MAP3K20: variants seen among roughly 807,000 people sequenced by gnomAD.
The protein encoded by MAP3K20 is mitogen-activated protein kinase kinase kinase 20.
MAP3K20 carries 40 observed loss-of-function variants against 85.7 expected under a neutral mutation model. That is an observed-to-expected ratio of 0.47 (90% CI 0.36 to 0.61). MAP3K20 has a LOEUF of 0.61. Ranked by LOEUF, MAP3K20 falls within the 20% of genes least tolerant of loss-of-function variation. The pLI is 0.00. For missense variants in MAP3K20, 817 were observed against 961.7 expected, an observed-to-expected ratio of 0.85 and a Z score of 1.99; for synonymous variants, 325 against 327.7, an observed-to-expected ratio of 0.99 and a Z score of 0.09.
At chr2:173,181,240 G>T (rs908914761) in intron 3 of MAP3K20, among the ~76,000 whole-genome samples, 1 of 152,082 alleles carries the variant, frequency 6.6e-6, no homozygotes, top group Non-Finnish European at 1.5e-5. Context: ...AATACTGCTG[G>T]GCACAGTCAC....
chr2:173,212,325 A>G (rs1320628622), intron 10 of MAP3K20: 1 of 152,110 alleles, frequency 6.6e-6, no homozygotes, highest in East Asian at 1.9e-4. Context: ...ATTCAAAACT[A>G]TCGCATTTCT....
chr2:173,203,962 A>G, intron 9 of MAP3K20, 92 bp downstream of exon 9: 1 of 1,219,064 alleles, frequency 8.2e-7, no homozygotes, highest in Non-Finnish European at 1.2e-6. Flanking sequence ...AAAATTCATT[A>G]CAAAGCAAAG....
At chr2:173,078,073 A>G (rs1686914415) in intron 1 of MAP3K20, among the ~76,000 whole-genome samples, 1 of 152,240 alleles carries the variant, frequency 6.6e-6, no homozygotes, top group Admixed American at 6.5e-5. Context: ...AAAACTTTTC[A>G]TGAAAATAAG....
At chr2:173,155,762 G>A (rs1689451145) in intron 2 of MAP3K20, among the ~76,000 whole-genome samples, 1 of 152,182 alleles carries the variant, frequency 6.6e-6, no homozygotes, top group Non-Finnish European at 1.5e-5. Context: ...TTTGACCAAG[G>A]AGTGCAAAAT....
chr2:173,247,878 T>C (rs1350213615), intron 16 of MAP3K20, among the ~76,000 whole-genome samples: 1 of 152,108 alleles, frequency 6.6e-6, no homozygotes, highest in East Asian at 1.9e-4. Flanking sequence ...CAGACACGGC[T>C]TTACTGGGGC....
intron 16 of MAP3K20, among the ~76,000 whole-genome samples, chr2:173,241,791 C>T (rs772877014): frequency 2.0e-5 from 3 of 152,114 alleles, no homozygotes; most frequent in Admixed American, 6.6e-5. Flanking sequence ...TCCCTTGTTT[C>T]GGCCACAGAC....
intron 2 of MAP3K20, among the ~76,000 whole-genome samples, chr2:173,103,977 A>G (rs1163088117): frequency 6.6e-6 from 1 of 152,226 alleles, no homozygotes; most frequent in Non-Finnish European, 1.5e-5. Flanking sequence ...CTGGAACTAC[A>G]CTGGTAAATA....
chr2:173,093,079 C>T (rs139298480), intron 2 of MAP3K20, among the ~76,000 whole-genome samples: 55 of 152,258 alleles, frequency 3.6e-4, no homozygotes, highest in African/African-American at 1.3e-3. Context: ...TGGCAAAGAA[C>T]CCCTATTTGT....
intron 16 of MAP3K20, among the ~76,000 whole-genome samples, chr2:173,257,441 G>A (rs754095099): frequency 1.3e-5 from 2 of 152,004 alleles, no homozygotes; most frequent in Admixed American, 6.6e-5. Context: ...TTTCTGTGTG[G>A]TTCTTTCACT....
intron 11 of MAP3K20, among the ~76,000 whole-genome samples, chr2:173,220,148 A>G (rs568450894): frequency 1.6e-4 from 25 of 151,720 alleles, no homozygotes; most frequent in Non-Finnish European, 2.8e-4. Context: ...TACATTATTT[A>G]TCATAAATGT....
At chr2:173,152,677 G>T (rs968610591) in intron 2 of MAP3K20, among the ~76,000 whole-genome samples, 3 of 152,324 alleles carry the variant, frequency 2.0e-5, no homozygotes, top group Non-Finnish European at 4.4e-5. Flanking sequence ...AGAATTTGGG[G>T]TGAGACGGTA....
chr2:173,138,611 A>G (rs1688872250), intron 2 of MAP3K20, among the ~76,000 whole-genome samples: 1 of 152,174 alleles, frequency 6.6e-6, no homozygotes, highest in African/African-American at 2.4e-5. Context: ...TGAAGTTCAG[A>G]TAGGTGATGT....
intron 2 of MAP3K20, among the ~76,000 whole-genome samples, chr2:173,099,651 A>AATT (rs1230462660): frequency 2.0e-5 from 3 of 152,010 alleles, no homozygotes; most frequent in African/African-American, 7.3e-5. Flanking sequence ...CTTCAGCTGT[A>AATT]ATTATTTCCT....
intron 9 of MAP3K20, among the ~76,000 whole-genome samples, chr2:173,206,210 CATTA>C (rs1456619012): frequency 2.0e-5 from 3 of 152,214 alleles, no homozygotes; most frequent in Admixed American, 6.5e-5. Context: ...CTCAGTACCA[CATTA>C]ATTAAAATTC....
chr2:173,114,675 C>T (rs113714884), intron 2 of MAP3K20, among the ~76,000 whole-genome samples: 14 of 152,182 alleles, frequency 9.2e-5, no homozygotes, highest in Middle Eastern at 3.4e-3. Flanking sequence ...TAGCTTCACT[C>T]GATACAAAAT....
Position 173,097,008 on chromosome 2 carries a change from G to T in MAP3K20, c.159+5818G>T, listed in dbSNP as rs774352761. On this transcript the variant is annotated intron_variant, in intron 2 of 19. Transcript: ENST00000375213. ...TGCAGAAAGACATTGTGACTGCAAT[G>T]TCCTATTTACAGCTACTGCCCAGAG... Among the ~76,000 whole-genome samples the T allele has an allele frequency of 7.2e-5, 11 of 152,302 alleles. 1 individual carries two copies. Among genetic ancestry groups the T allele is most frequent in the South Asian group, 6.2e-4 (3 of 4,830 alleles).
intron 1 of MAP3K20, among the ~76,000 whole-genome samples, chr2:173,087,526 T>C (rs1048166740): frequency 6.6e-6 from 1 of 152,204 alleles, no homozygotes; most frequent in African/African-American, 2.4e-5. Context: ...AAGAGTTCAC[T>C]GAGTGTCCTA....
intron 2 of MAP3K20, among the ~76,000 whole-genome samples, chr2:173,137,946 G>A (rs1574047686): frequency 6.6e-6 from 1 of 152,032 alleles, no homozygotes; most frequent in Admixed American, 6.6e-5. Context: ...GAAAAGACAC[G>A]TAGATTAATA....
At chr2:173,193,097 GGAA>G (rs1690712228) in intron 7 of MAP3K20, 1 of 152,238 alleles carries the variant, frequency 6.6e-6, no homozygotes, top group South Asian at 2.1e-4. Context: ...GCGTGGTTTA[GGAA>G]CGTGGCTTGA....
Sources: gnomAD v4.1 joint callset for allele counts (sites outside exome capture counted in the v4.1 genomes callset) on GRCh38, gnomAD v4.1.1 for gene constraint, MANE v1.5 for transcripts, NCBI Gene and HGNC (gene_info 2026-07-23, HGNC 2026-07-21) for gene names.